The following PPHLN1 variants were observed in gnomAD, a reference collection of about 807,000 sequenced individuals.
PPHLN1 encodes periphilin 1.
A neutral mutation model predicts 51.3 loss-of-function variants in PPHLN1; 29 were observed. The ratio of observed to expected loss-of-function variants is 0.57; its 90% CI spans 0.42 to 0.77. PPHLN1 has a LOEUF of 0.77. Ranked by LOEUF, PPHLN1 falls within the 30% of genes least tolerant of loss-of-function variation. The probability of loss-of-function intolerance (pLI) is 0.00; values close to 1 mark genes in which losing one functional copy is unlikely to be tolerated. For missense variants in PPHLN1, 436 were observed against 438.4 expected (o/e 0.99, Z 0.05); for synonymous variants, 147 against 147.8 (o/e 0.99, Z 0.04).
downstream of PPHLN1, chr12:42,442,556 G>A (rs1281893559): frequency 3.2e-6 from 5 of 1,569,558 alleles, no homozygotes; most frequent in Non-Finnish European, 4.3e-6. Context: ...TCTCTTTTGG[G>A]CTGCGCTAAA....
intron 7 of PPHLN1, among the ~76,000 whole-genome samples, chr12:42,392,045 T>C (rs946356659): frequency 4.4e-4 from 67 of 152,250 alleles, no homozygotes; most frequent in African/African-American, 1.5e-3. Flanking sequence ...GGTGAAATCC[T>C]GTCTCTACTA....
chr12:42,448,466 T>C (rs1180029715), downstream of PPHLN1: 1 of 152,254 alleles, frequency 6.6e-6, no homozygotes, highest in African/African-American at 2.4e-5. Context: ...AAAGACTTGT[T>C]TGTAAATTAT....
intron 9 of PPHLN1, among the ~76,000 whole-genome samples, chr12:42,400,797 T>TTC (rs1345633484): frequency 8.5e-4 from 81 of 95,774 alleles, no homozygotes; most frequent in African/African-American, 3.3e-3. Context: ...CTCTCTCTCT[T>TTC]TCACACACAC....
rs764983350 is a variant in PPHLN1, at chr12:42,352,050, G to C, written c.237+1G>C. On this transcript the variant is annotated splice_donor_variant, in intron 3 of 9. Coordinates refer to ENST00000358314, the MANE Select transcript of PPHLN1 (RefSeq NM_201439.2). LOFTEE classifies it high-confidence loss of function. ...AAGAAGTGGTCCACCTCACAGAGGA[G>C]TATGTAAATTTCCCCCATGTACTAA... 6.8e-7 allele frequency: 1 copy of C among 1,461,372 alleles called. No homozygotes were observed. 90.5% of individuals were successfully genotyped at this position (1,461,372 alleles called of 1,614,324 possible). A position where few individuals can be genotyped will look rare whatever the true frequency, so the allele number is the denominator to read the frequency against.
rs139592148 is a variant in PPHLN1, at chr12:42,415,664, A to C, written c.909+16670A>C. Among the ~76,000 whole-genome samples the C allele has an allele frequency of 2.2e-3, 339 of 152,338 alleles. 1 individual carries two copies. The highest frequency in any genetic ancestry group is 7.9e-3 in the African/African-American group (328 of 41,580). ...CATGGCTTCACCACTGTATTAGCGTATCACTCTGATTTTTTGCTTTCTCTT... is the reference window on the plus strand; with the variant it reads ...CATGGCTTCACCACTGTATTAGCGTCTCACTCTGATTTTTTGCTTTCTCTT... On this transcript the variant is annotated intron_variant, in intron 9 of 9. Coordinates refer to ENST00000358314, the MANE Select transcript of PPHLN1 (RefSeq NM_201439.2).
chr12:42,436,152 CTG>C (rs954221816), intron 9 of PPHLN1, among the ~76,000 whole-genome samples: 6 of 152,200 alleles, frequency 3.9e-5, no homozygotes, highest in African/African-American at 1.4e-4. Flanking sequence ...ATTTGATTGA[CTG>C]TGTCCTTATT....
At chr12:42,446,547 T>C (rs764852999), downstream of PPHLN1, 1 of 1,603,102 alleles carries the variant, frequency 6.2e-7, no homozygotes, top group Non-Finnish European at 8.5e-7. Context: ...AAAAGAATAT[T>C]ACTAATTATA....
At chr12:42,399,406 A>G in intron 9 of PPHLN1, 8 of 912,484 alleles carry the variant, frequency 8.8e-6, no homozygotes, top group Non-Finnish European at 1.0e-5. Flanking sequence ...AGGAAAAATA[A>G]AGGATACTAT....
intron 9 of PPHLN1, among the ~76,000 whole-genome samples, chr12:42,434,700 G>A (rs2082325990): frequency 6.6e-6 from 1 of 152,124 alleles, no homozygotes; most frequent in Non-Finnish European, 1.5e-5. Flanking sequence ...TTTTGTTTTT[G>A]TTTTGTTTTT....
chr12:42,407,327 T>C (rs2079401723), intron 9 of PPHLN1, among the ~76,000 whole-genome samples: 1 of 152,224 alleles, frequency 6.6e-6, no homozygotes, highest in African/African-American at 2.4e-5. Context: ...AGCTGGTAGA[T>C]TGACTTCTGT....
chr12:42,350,836 C>T (rs1180126851), intron 2 of PPHLN1, among the ~76,000 whole-genome samples: 2 of 152,010 alleles, frequency 1.3e-5, no homozygotes, highest in Non-Finnish European at 2.9e-5. Flanking sequence ...TGGCGGCGCG[C>T]GCCTGCAATC....
intron 4 of PPHLN1, among the ~76,000 whole-genome samples, chr12:42,366,281 G>T (rs555507775): frequency 7.1e-6 from 1 of 140,900 alleles, no homozygotes; most frequent in African/African-American, 2.7e-5. Context: ...AGGCTGGAGT[G>T]CAGTGGTGCG....
intron 8 of PPHLN1, among the ~76,000 whole-genome samples, chr12:42,397,964 C>T (rs941755970): frequency 1.5e-4 from 22 of 149,924 alleles, no homozygotes; most frequent in African/African-American, 4.9e-4. Flanking sequence ...CCTCGTGATC[C>T]GCCTGCCTCG....
chr12:42,336,179 A>G (rs2070635773), intron 2 of PPHLN1, among the ~76,000 whole-genome samples: 2 of 152,164 alleles, frequency 1.3e-5, no homozygotes, highest in Non-Finnish European at 2.9e-5. Context: ...TATTATTTAT[A>G]TTTCTTGTTT....
chr12:42,439,705 G>A (rs577644345), intron 9 of PPHLN1, among the ~76,000 whole-genome samples: 2 of 152,248 alleles, frequency 1.3e-5, no homozygotes, highest in South Asian at 2.1e-4. Context: ...TAGAGACAGC[G>A]TTTCACTAAC....
chr12:42,419,917 G>A (rs1400057030), intron 9 of PPHLN1, among the ~76,000 whole-genome samples: 1 of 152,216 alleles, frequency 6.6e-6, no homozygotes, highest in Non-Finnish European at 1.5e-5. Context: ...AGTTGCGAGT[G>A]TGTTCAGTAT....
intron 5 of PPHLN1, among the ~76,000 whole-genome samples, chr12:42,378,492 C>T (rs949158117): frequency 2.6e-5 from 4 of 151,180 alleles, no homozygotes; most frequent in East Asian, 1.9e-4. Context: ...TAATTAGCCA[C>T]GTGTTAAAAT....
intron 3 of PPHLN1, among the ~76,000 whole-genome samples, chr12:42,354,372 C>T (rs1373383970): frequency 6.6e-6 from 1 of 152,084 alleles, no homozygotes; most frequent in East Asian, 1.9e-4. Context: ...GTGCACGCCA[C>T]CGTGCCCGGC....
In PPHLN1 at chr12:42,349,064, T is replaced by A. The variant is rs570919477; in HGVS notation, c.73-2821T>A. Among the ~76,000 whole-genome samples the A allele has an allele frequency of 2.4e-4, 37 of 152,330 alleles. No homozygotes were observed. The South Asian group carries it at 7.2e-3, about 30-fold the overall frequency. On this transcript the variant is annotated intron_variant, in intron 2 of 9. Coordinates refer to ENST00000358314, the MANE Select transcript of PPHLN1 (RefSeq NM_201439.2). ...CTGATTTTATTTTTTCCTGACCCAT[T>A]GACAAATTTCCTAGCTATTGAGAGA...
Sources: gnomAD v4.1 joint callset for allele counts (sites outside exome capture counted in the v4.1 genomes callset) on GRCh38, gnomAD v4.1.1 for gene constraint, MANE v1.5 for transcripts, NCBI Gene and HGNC (gene_info 2026-07-23, HGNC 2026-07-21) for gene names.